Variants in SUPT7L observed in about 807,000 individuals in gnomAD.
The protein encoded by SUPT7L is SPT7 like, STAGA complex subunit gamma.
A neutral mutation model predicts 35.7 loss-of-function variants in SUPT7L; 15 were observed. The observed-to-expected ratio is 0.42, with a 90% confidence interval of 0.28 to 0.65. The LOEUF (loss-of-function observed/expected upper bound fraction) is 0.65, where lower values mean the gene tolerates loss of function less well. SUPT7L is among the 30% of genes least tolerant of loss of function. The pLI, the probability that SUPT7L is intolerant of heterozygous loss-of-function variation, is 0.23. For missense variants in SUPT7L, 434 were observed against 522.2 expected (o/e 0.83, Z 1.65); for synonymous variants, 168 against 186.2 (o/e 0.90, Z 0.79).
intron 1 of SUPT7L, 128 bp downstream of exon 1, chr2:27,663,199 CGA>C (rs1028308323): frequency 1.3e-5 from 2 of 155,700 alleles, no homozygotes; most frequent in African/African-American, 4.8e-5. Context: ...TCACAAATGG[CGA>C]GGTCAAAAAT....
chr2:27,653,475 T>A lies in SUPT7L; in HGVS notation c.*10A>T. The A allele has an allele frequency of 6.2e-7, 1 of 1,611,490 alleles. No homozygotes were observed. The highest frequency in any genetic ancestry group is 8.5e-7 in the Non-Finnish European group (1 of 1,178,968). ...AGTAGGTCTGGACAAAACATCTCCCTCTTTTCCTTTTATATTTTCCTCATC... is the reference window on the plus strand; with the variant it reads ...AGTAGGTCTGGACAAAACATCTCCCACTTTTCCTTTTATATTTTCCTCATC... On this transcript the variant is annotated 3_prime_UTR_variant, in exon 6 of 6. Transcript: ENST00000337768.
chr2:27,661,888 G>A (rs1675130034), intron 2 of SUPT7L: 1 of 478,756 alleles, frequency 2.1e-6, no homozygotes, highest in South Asian at 2.4e-5. Flanking sequence ...AATAAGAAGT[G>A]GTTCTTACTC....
downstream of SUPT7L, chr2:27,647,804 A>T: frequency 8.1e-7 from 1 of 1,228,304 alleles, no homozygotes; most frequent in East Asian, 2.3e-5. Context: ...CTTTTTGAGG[A>T]GGCATATCAC....
chr2:27,653,489 A>T lies in SUPT7L; in HGVS notation c.1241T>A (p.Ile414Lys), dbSNP rs1674652066. Residue 414 changes from isoleucine to lysine, a missense_variant, in exon 6 of 6, where the codon ATA becomes AAA. By Grantham distance (102) the Ile-to-Lys change is moderately radical (BLOSUM62 -3). This residue lies in a region of SUPT7L where 159 missense variants were observed against 217.1 expected (regional missense o/e 0.73). Transcript: ENST00000337768. ...NQRCKKRMRK[I>K] ...AAACATCTCCCTCTTTTCCTTTTATATTTTCCTCATCCTCTTCTTGCAGCG... is the reference window on the plus strand; with the variant it reads ...AAACATCTCCCTCTTTTCCTTTTATTTTTTCCTCATCCTCTTCTTGCAGCG... 6.2e-7 allele frequency: 1 copy of T among 1,613,130 alleles called. No individual in the cohort carries two copies. Among genetic ancestry groups the T allele is most frequent in the African/African-American group, 1.3e-5 (1 of 74,910 alleles).
chr2:27,644,181 AAAC>A, the SUPT7L span, among the ~76,000 whole-genome samples: 10 of 152,150 alleles, frequency 6.6e-5, no homozygotes, highest in African/African-American at 2.2e-4. Context: ...TCCATCTTAA[AAAC>A]AACAACAACA....
At position 27,657,387 on chromosome 2, in the gene SUPT7L, G is replaced by C; in HGVS notation, c.702C>G (p.Phe234Leu). 6 of 1,614,250 alleles carry C rather than the reference G, an allele frequency of 3.7e-6. No individual in the cohort carries two copies. The highest frequency in any genetic ancestry group is 4.2e-6 in the Non-Finnish European group (5 of 1,180,042). The change falls in exon 4 of 6, where the codon TTC (phenylalanine) becomes TTG (leucine). Residue 234 changes from phenylalanine (F) to leucine (L), a missense_variant. By Grantham distance (22) the Phe-to-Leu change is conservative (BLOSUM62 0). Around this residue, in one of 3 missense-constraint regions of SUPT7L, gnomAD observed 198 missense variants for 190.8 expected, o/e 1.04. Transcript: ENST00000337768. The surrounding 1 kb of genome is among the most constrained non-coding windows in gnomAD (Gnocchi z 5.2). ...GATAGTCCTTGATGCGGTGCTGCCA[G>C]AACTTCTGGAGGGAGAGCACACTGC... ...GIGSVLSLQK[F>L]WQHRIKDYHS...
At position 27,657,434 on chromosome 2, in the gene SUPT7L, C is replaced by T. The variant is rs776961728; in HGVS notation, c.655G>A (p.Val219Ile). ...QTPFPDVMEQ[V>I]FHEVGIGSVL... ...CTGCCAATACCCACTTCATGGAATA[C>T]CTGCTCCATCACATCAGGAAAAGGA... The change falls in exon 4 of 6, where the codon GTA becomes ATA. Residue 219 changes from valine to isoleucine, a missense_variant. Physicochemically the swap from Val to Ile is conservative, Grantham distance 29 (BLOSUM62 3). Around this residue, in one of 3 missense-constraint regions of SUPT7L, gnomAD observed 198 missense variants for 190.8 expected, o/e 1.04. Transcript: ENST00000337768. This position sits in a 1 kb window ranked among gnomAD's most constrained non-coding sequence, Gnocchi z 5.2. 48 of 1,614,150 alleles carry T rather than the reference C, an allele frequency of 3.0e-5. No individual in the cohort carries two copies. The South Asian group carries it at 5.0e-4, about 17-fold the overall frequency.
intron 3 of SUPT7L, 107 bp downstream of exon 3, chr2:27,660,877 C>G (rs1675065289): frequency 7.1e-7 from 1 of 1,411,370 alleles, no homozygotes; most frequent in African/African-American, 1.4e-5. Context: ...GTCAATTACT[C>G]TTATCCTCAG....
At position 27,657,763 on chromosome 2, in the gene SUPT7L, C is replaced by T. The variant is rs1002717930; in HGVS notation, c.420-94G>A. On this transcript the variant is annotated intron_variant, in intron 3 of 5. Transcript: ENST00000337768. The surrounding 1 kb of genome is among the most constrained non-coding windows in gnomAD (Gnocchi z 5.2). ...GAGTTTTACAATTCCAGTCAAGCCA[C>T]TGGCCTAGCTTTCCAGGGAAATTCC... 8 of 1,206,338 alleles carry T rather than the reference C, an allele frequency of 6.6e-6. No individual in the cohort carries two copies. The highest frequency in any genetic ancestry group is 9.1e-6 in the Non-Finnish European group (8 of 876,520). The allele number at this position is 1,206,338 out of a possible 1,614,324, so 74.7% of individuals were successfully genotyped here.
At chr2:27,650,450 G>A, downstream of SUPT7L, 1 of 262,246 alleles carries the variant, frequency 3.8e-6, no homozygotes. Context: ...GATATACTGA[G>A]CTGATACTCT....
downstream of SUPT7L, chr2:27,647,749 A>G (rs1000815716): frequency 1.8e-5 from 14 of 768,550 alleles, no homozygotes; most frequent in Non-Finnish European, 3.2e-5. Flanking sequence ...GAGCACTTTC[A>G]TCCTGCCAGT....
At chr2:27,647,935 A>C (rs776385410), downstream of SUPT7L, 4 of 1,599,518 alleles carry the variant, frequency 2.5e-6, no homozygotes, top group Non-Finnish European at 3.4e-6. Flanking sequence ...GATGACATTG[A>C]CCACAGAGGT....
intron 3 of SUPT7L, among the ~76,000 whole-genome samples, chr2:27,658,817 C>T (rs1470216284): frequency 6.6e-6 from 1 of 152,154 alleles, no homozygotes; most frequent in Non-Finnish European, 1.5e-5. Context: ...CTCATAAGTA[C>T]CTAATAAACA....
downstream of SUPT7L, among the ~76,000 whole-genome samples, chr2:27,648,209 A>T (rs530976035): frequency 4.6e-5 from 7 of 152,108 alleles, no homozygotes; most frequent in South Asian, 6.2e-4. Context: ...GTTTGTTGTT[A>T]TTAGTATTTT....
At chr2:27,642,622 G>A in the SUPT7L span, 3 of 732,656 alleles carry the variant, frequency 4.1e-6, no homozygotes, top group Non-Finnish European at 7.0e-6. Flanking sequence ...TGTTGCCCAG[G>A]CTGGAGTCTC....
At chr2:27,646,906 A>G (rs1238235254), downstream of SUPT7L, among the ~76,000 whole-genome samples, 2 of 152,134 alleles carry the variant, frequency 1.3e-5, no homozygotes, top group African/African-American at 2.4e-5. Flanking sequence ...ATACATTTCT[A>G]TGTGCCACAG....
intron 3 of SUPT7L, among the ~76,000 whole-genome samples, chr2:27,658,890 A>AT (rs1674920374): frequency 6.6e-6 from 1 of 152,210 alleles, no homozygotes; most frequent in African/African-American, 2.4e-5. Context: ...AAGGAAAGTA[A>AT]TTTTTTGGTG....
chr2:27,654,575 C>CT (rs1039754170), intron 5 of SUPT7L, among the ~76,000 whole-genome samples: 82 of 151,378 alleles, frequency 5.4e-4, no homozygotes, highest in East Asian at 4.3e-3. Flanking sequence ...AGCCCTATTT[C>CT]TTTTTTTTTG....
rs1674540982 is a variant in SUPT7L at position 27,651,403 on chromosome 2, T to C, written c.*2082A>G. 6.6e-6 allele frequency: 1 copy of C among 152,368 alleles called. No homozygotes were observed. The highest frequency in any genetic ancestry group is 1.5e-5 in the Non-Finnish European group (1 of 68,044). The allele number at this position is 152,368 out of a possible 1,614,324, so 9.4% of individuals were successfully genotyped here. A position where few individuals can be genotyped will look rare whatever the true frequency, so the allele number is the denominator to read the frequency against. On this transcript the variant is annotated 3_prime_UTR_variant, in exon 6 of 6. Coordinates refer to ENST00000337768, the MANE Select transcript of SUPT7L (RefSeq NM_014860.3). The stretch of plus-strand genomic sequence containing the variant: ...ATTCCAGACCAGGTGAATCTCAAGA[T>C]ACTAATCCTCACATCATTTGCCTTC...
Sources: allele counts gnomAD v4.1 joint callset (sites outside exome capture counted in the v4.1 genomes callset), GRCh38; gene constraint gnomAD v4.1.1; regional missense constraint gnomAD v4.1.1; non-coding constraint Gnocchi (gnomAD v3.1); transcripts MANE v1.5; gene names NCBI Gene and HGNC (gene_info 2026-07-23, HGNC 2026-07-21).